CLVS1: variants seen among roughly 807,000 people sequenced by gnomAD.
The protein encoded by CLVS1 is clavesin-1.
A neutral mutation model predicts 33.1 loss-of-function variants in CLVS1; 10 were observed. That is an observed-to-expected ratio of 0.30 (90% CI 0.19 to 0.51). The LOEUF (loss-of-function observed/expected upper bound fraction) is 0.51. Among genes scored for constraint, CLVS1 ranks in the 20% least tolerant of loss-of-function variants. CLVS1 has a pLI of 0.97. For synonymous variants in CLVS1, 163 were observed against 166.1 expected (o/e 0.98, Z 0.14); for missense variants, 343 against 433.4 (o/e 0.79, Z 1.85).
intron 3 of CLVS1, among the ~76,000 whole-genome samples, chr8:61,434,100 G>A (rs929787661): frequency 6.6e-6 from 1 of 152,148 alleles, no homozygotes; most frequent in Non-Finnish European, 1.5e-5. Context: ...CAGATTATCA[G>A]GGCTTTTAAT....
chr8:61,340,362 C>T (rs1199400469), intron 2 of CLVS1, among the ~76,000 whole-genome samples: 1 of 152,196 alleles, frequency 6.6e-6, no homozygotes, highest in African/African-American at 2.4e-5. Flanking sequence ...CCTCCAGCCC[C>T]TGGTAGCTGC....
intron 2 of CLVS1, among the ~76,000 whole-genome samples, chr8:61,268,987 A>G (rs560497149): frequency 0.021 from 2,769 of 130,150 alleles, 69 homozygotes; most frequent in South Asian, 0.09. Context: ...CTCTGATGGT[A>G]GTTTCTTTTG....
chr8:61,267,331 T>A (rs2129592502), intron 2 of CLVS1, among the ~76,000 whole-genome samples: 1 of 152,308 alleles, frequency 6.6e-6, no homozygotes, highest in East Asian at 1.9e-4. Flanking sequence ...TTATAAATCT[T>A]GTATCTAAAT....
intron 2 of CLVS1, among the ~76,000 whole-genome samples, chr8:61,311,879 A>G (rs1036387529): frequency 6.0e-4 from 91 of 152,222 alleles, no homozygotes; most frequent in Non-Finnish European, 8.8e-5. Flanking sequence ...TTGTGCTGCA[A>G]TCCAGGAGCA....
intron 2 of CLVS1, among the ~76,000 whole-genome samples, chr8:61,223,904 C>G (rs537484885): frequency 3.9e-5 from 6 of 151,992 alleles, no homozygotes; most frequent in Admixed American, 6.6e-5. Context: ...GTCTGCATGT[C>G]TTATTTCAGT....
intron 1 of CLVS1, among the ~76,000 whole-genome samples, chr8:61,118,164 G>A (rs931049405): frequency 2.1e-4 from 32 of 151,972 alleles, no homozygotes; most frequent in Admixed American, 1.5e-3. Context: ...TTGCGTAGAG[G>A]TGTTTGTAGT....
intron 5 of CLVS1, among the ~76,000 whole-genome samples, chr8:61,478,497 G>T (rs1225706064): frequency 3.9e-5 from 6 of 152,166 alleles, no homozygotes; most frequent in African/African-American, 1.4e-4. Context: ...GAATCTGGGT[G>T]CTCCTGTATT....
intron 2 of CLVS1, among the ~76,000 whole-genome samples, chr8:61,151,680 A>G (rs1246512751): frequency 2.0e-5 from 3 of 152,182 alleles, no homozygotes; most frequent in African/African-American, 4.8e-5. Flanking sequence ...GATGAGTCCA[A>G]CTTTGGATGT....
intron 2 of CLVS1, among the ~76,000 whole-genome samples, chr8:61,204,474 A>T (rs1807799804): frequency 6.6e-6 from 1 of 152,236 alleles, no homozygotes; most frequent in African/African-American, 2.4e-5. Context: ...TGCTCACACT[A>T]TTAAAAATGT....
rs1410474562 is a variant in CLVS1 at position 61,458,523 on chromosome 8, T to C, written c.958T>C (p.Ser320Pro). 4 of 1,608,498 alleles carry C rather than the reference T, an allele frequency of 2.5e-6. No homozygotes were observed. In the African/African-American group the frequency reaches 5.4e-5, roughly 22 times the overall value. ...HTSSNLEREC[S>P]PKLMKRSQSV... Reference sequence around the variant, plus strand: ...GTCCTCGAATCTGGAGAGAGAATGCTCACCCAAGCTGATGAAAAGGTAAGG... The same window carrying C: ...GTCCTCGAATCTGGAGAGAGAATGCCCACCCAAGCTGATGAAAAGGTAAGG... Residue 320 changes from serine (S) to proline (P), a missense_variant, in exon 5 of 6, where the codon TCA (serine) becomes CCA (proline). This residue lies in a region of CLVS1 where 86 missense variants were observed against 95.0 expected (regional missense o/e 0.91). Coordinates refer to ENST00000325897, the MANE Select transcript of CLVS1 (RefSeq NM_173519.3).
At chr8:61,294,534 C>T (rs993526705) in intron 1 of CLVS1, among the ~76,000 whole-genome samples, 9 of 152,086 alleles carry the variant, frequency 5.9e-5, no homozygotes, top group African/African-American at 2.2e-4. Flanking sequence ...CTTTTCCTTT[C>T]ACAAGCAGTT....
At chr8:61,315,615 G>A (rs1050821526) in intron 2 of CLVS1, among the ~76,000 whole-genome samples, 11 of 152,154 alleles carry the variant, frequency 7.2e-5, no homozygotes, top group Non-Finnish European at 1.0e-4. Flanking sequence ...AGGGTCACCA[G>A]CTCTACAACA....
At chr8:61,142,311 C>T (rs548010758) in intron 2 of CLVS1, among the ~76,000 whole-genome samples, 19 of 152,294 alleles carry the variant, frequency 1.2e-4, no homozygotes, top group South Asian at 4.1e-4. Flanking sequence ...GCTTCCCCTT[C>T]GCCTTCCACC....
At chr8:61,029,162 C>G in the CLVS1 span, among the ~76,000 whole-genome samples, 1 of 152,208 alleles carries the variant, frequency 6.6e-6, no homozygotes, top group African/African-American at 2.4e-5. Context: ...ATTTTGCAAA[C>G]AGTCCACACA....
chr8:61,063,367 T>C (rs1804620996), intron 1 of CLVS1, among the ~76,000 whole-genome samples: 1 of 151,254 alleles, frequency 6.6e-6, no homozygotes, highest in Non-Finnish European at 1.5e-5. Flanking sequence ...AAAAGTTCTC[T>C]GGAGGAGGCT....
chr8:61,337,671 C>A (rs1811854756), intron 2 of CLVS1, among the ~76,000 whole-genome samples: 1 of 152,196 alleles, frequency 6.6e-6, no homozygotes, highest in South Asian at 2.1e-4. Context: ...ACCATTTAAT[C>A]TGCAAAACAA....
chr8:61,059,471 C>CATATATATATATATATATAT (rs1292747857), intron 1 of CLVS1, among the ~76,000 whole-genome samples: 49 of 22,908 alleles, frequency 2.1e-3, no homozygotes, highest in South Asian at 7.4e-3. Context: ...TACATACATA[C>CATATATATATATATATATAT]ATACATATAT....
chr8:61,058,050 A>C (rs1383352523), intron 1 of CLVS1, among the ~76,000 whole-genome samples: 1 of 152,236 alleles, frequency 6.6e-6, no homozygotes, highest in Non-Finnish European at 1.5e-5. Context: ...TCTGTTGAGA[A>C]TGTCAGTCAA....
chr8:61,472,098 G>A (rs1045128032), intron 5 of CLVS1, among the ~76,000 whole-genome samples: 5 of 152,176 alleles, frequency 3.3e-5, no homozygotes, highest in African/African-American at 1.2e-4. Flanking sequence ...TCTCAAGGGC[G>A]CTTGTCCCCC....
Sources: allele counts gnomAD v4.1 joint callset (sites outside exome capture counted in the v4.1 genomes callset), GRCh38; gene constraint gnomAD v4.1.1; regional missense constraint gnomAD v4.1.1; transcripts MANE v1.5; gene names NCBI Gene and HGNC (gene_info 2026-07-23, HGNC 2026-07-21).